The following B3GNT5 variants were observed in gnomAD, a reference collection of about 807,000 sequenced individuals.
The protein encoded by B3GNT5 is UDP-GlcNAc:betaGal beta-1,3-N-acetylglucosaminyltransferase 5.
In B3GNT5, 11 loss-of-function variants were observed where a neutral mutation model predicts 25.9. The observed-to-expected ratio is 0.42, with a 90% CI of 0.27 to 0.70. The LOEUF is 0.70. Among genes scored for constraint, B3GNT5 ranks in the 30% least tolerant of loss-of-function variants. B3GNT5 has a pLI of 0.23. For missense variants in B3GNT5, 385 were observed against 458.4 expected, an observed-to-expected ratio of 0.84 and a Z score of 1.46; for synonymous variants, 166 against 158.6, an observed-to-expected ratio of 1.05 and a Z score of -0.35.
Position 183,267,851 on chromosome 3 carries a change from C to A in B3GNT5, c.-301-1647C>A, listed in dbSNP as rs1378204982. Among the ~76,000 whole-genome samples, 1 of 152,126 alleles carries A rather than the reference C, an allele frequency of 6.6e-6. No homozygotes were observed. The highest frequency in any genetic ancestry group is 1.5e-5 in the Non-Finnish European group (1 of 68,020). ...CTAGGGTCCTGACCTCCAATCCTTC[C>A]CCAGTAACCATCACTTTGAGTAAAC... On this transcript the variant is annotated intron_variant, in intron 1 of 1. Transcript: ENST00000326505. This position sits in a 1 kb window ranked among gnomAD's most constrained non-coding sequence, Gnocchi z 5.5.
rs1576999266 is a variant in B3GNT5 at position 183,267,651 on chromosome 3, T to C, written c.-301-1847T>C. On this transcript the variant is annotated intron_variant, in intron 1 of 1. Transcript: ENST00000326505. The surrounding 1 kb of genome is among the most constrained non-coding windows in gnomAD (Gnocchi z 5.5). ...TCCTGTCCAAAGCCCAGGAAACTAA[T>C]GTACCACCCCCGAGGAAGAGAGCCT... Among the ~76,000 whole-genome samples the C allele has an allele frequency of 6.6e-6, 1 of 152,228 alleles. No homozygotes were observed. Among genetic ancestry groups the C allele is most frequent in the Non-Finnish European group, 1.5e-5 (1 of 68,038 alleles).
chr3:183,259,487 G>A (rs527908231), intron 1 of B3GNT5, among the ~76,000 whole-genome samples: 2 of 152,076 alleles, frequency 1.3e-5, no homozygotes, highest in East Asian at 1.9e-4. Flanking sequence ...TACTTCTTAC[G>A]TGTCATTTTA....
At position 183,270,386 on chromosome 3, in the gene B3GNT5, A is replaced by G. The variant is rs1282543492; in HGVS notation, c.588A>G (p.Ile196Met). ...TTCTTATGACTGCTGATGATGACAT[A>G]TTTATTCACATGCCAAATCTGATTG... ...AKFLMTADDD[I>M]FIHMPNLIEY... Residue 196 changes from isoleucine (I) to methionine (M), a missense_variant, in exon 2 of 2, where the codon ATA becomes ATG. By Grantham distance (10) the Ile-to-Met change is conservative. Coordinates refer to ENST00000326505, the MANE Select transcript of B3GNT5 (RefSeq NM_032047.5). This position sits in a 1 kb window ranked among gnomAD's most constrained non-coding sequence, Gnocchi z 4.5. The G allele has an allele frequency of 6.2e-7, 1 of 1,614,212 alleles. No homozygotes were observed. The highest frequency in any genetic ancestry group is 8.5e-7 in the Non-Finnish European group (1 of 1,180,034).
At chr3:183,254,335 C>T (rs1421845796) in intron 1 of B3GNT5, 1 of 151,868 alleles carries the variant, frequency 6.6e-6, no homozygotes, top group Non-Finnish European at 1.5e-5. Flanking sequence ...GCCGGGAAGT[C>T]GGGAAGCCGG....
rs1200931083 is a variant in B3GNT5, at chr3:183,270,616, A to G, written c.818A>G (p.Gln273Arg). Residue 273 changes from glutamine to arginine, a missense_variant, in exon 2 of 2, where the codon CAG becomes CGG. Transcript: ENST00000326505. The surrounding 1 kb of genome is among the most constrained non-coding windows in gnomAD (Gnocchi z 4.5). Reference sequence around the variant, plus strand: ...GCTGCCAAAGTCTATGAGGCATCACAGACACTAAATTCAAGTCTTTACATA... The same window carrying G: ...GCTGCCAAAGTCTATGAGGCATCACGGACACTAAATTCAAGTCTTTACATA... ...DVAAKVYEAS[Q>R]TLNSSLYIDD... 2 of 1,614,208 alleles carry G rather than the reference A, an allele frequency of 1.2e-6. No individual in the cohort carries two copies. The highest frequency in any genetic ancestry group is 4.5e-5 in the East Asian group (2 of 44,892).
chr3:183,265,699 T>C (rs1726042854), intron 1 of B3GNT5: 1 of 152,252 alleles, frequency 6.6e-6, no homozygotes, highest in Non-Finnish European at 1.5e-5. Flanking sequence ...GTTATACAAG[T>C]GAAGCTGTGT....
chr3:183,254,537 G>A (rs1395607539), intron 1 of B3GNT5: 5 of 152,126 alleles, frequency 3.3e-5, no homozygotes, highest in Non-Finnish European at 1.5e-5. Context: ...TCCGGTTGGG[G>A]CGGCTTCCCG....
In B3GNT5 at chr3:183,270,587, T is replaced by C. The variant is rs754881748; in HGVS notation, c.789T>C (p.Asp263=). ...GAGCTGCCTATGTAATCTCCGGTGA[T>C]GTAGCTGCCAAAGTCTATGAGGCAT... ...TAGAAYVISG[D]VAAKVYEASQ... The change falls in exon 2 of 2, where the codon GAT becomes GAC. Residue 263 remains aspartate, a synonymous_variant. Coordinates refer to ENST00000326505, the MANE Select transcript of B3GNT5 (RefSeq NM_032047.5). This position sits in a 1 kb window ranked among gnomAD's most constrained non-coding sequence, Gnocchi z 4.5. 1 of 1,614,212 alleles carries C rather than the reference T, an allele frequency of 6.2e-7. No individual in the cohort carries two copies.
In B3GNT5 at chr3:183,269,839, A is replaced by T. The variant is rs1726569279; in HGVS notation, c.41A>T (p.Gln14Leu). The T allele has an allele frequency of 3.1e-6, 5 of 1,612,550 alleles. No homozygotes were observed. The highest frequency in any genetic ancestry group is 4.2e-6 in the Non-Finnish European group (5 of 1,179,412). Residue 14 changes from glutamine (Q) to leucine (L), a missense_variant, in exon 2 of 2, where the codon CAG becomes CTG. Gln to Leu is a moderately radical substitution (Grantham distance 113). Coordinates refer to ENST00000326505, the MANE Select transcript of B3GNT5 (RefSeq NM_032047.5). Reference sequence around the variant, plus strand: ...AGTGGCAGAAGAGTCAAAAAATGGCAGTTAATTATTCAGTTATTTGCTACT... The same window carrying T: ...AGTGGCAGAAGAGTCAAAAAATGGCTGTTAATTATTCAGTTATTTGCTACT... Reference protein sequence around the residue: ...LVSGRRVKKWQLIIQLFATCF... With the variant: ...LVSGRRVKKWLLIIQLFATCF...
At chr3:183,259,672 C>CT (rs779361514) in intron 1 of B3GNT5, among the ~76,000 whole-genome samples, 1 of 152,102 alleles carries the variant, frequency 6.6e-6, no homozygotes, top group East Asian at 1.9e-4. Context: ...GAGTCCGGTA[C>CT]TTTTTTGCCT....
intron 1 of B3GNT5, among the ~76,000 whole-genome samples, chr3:183,258,808 C>T (rs1187810875): frequency 6.6e-6 from 1 of 152,056 alleles, no homozygotes; most frequent in Non-Finnish European, 1.5e-5. Context: ...GGCATGTAGC[C>T]TTGAGCTCCT....
At position 183,272,466 on chromosome 3, in the gene B3GNT5, A is replaced by G. The variant is rs16857225; in HGVS notation, c.*1531A>G. On this transcript the variant is annotated 3_prime_UTR_variant, in exon 2 of 2. Coordinates refer to ENST00000326505, the MANE Select transcript of B3GNT5 (RefSeq NM_032047.5). ...AAAGATTTCTCAGTATACACAACTGAATGATGATACTTACAATTTTTAGCA... is the reference window on the plus strand; with the variant it reads ...AAAGATTTCTCAGTATACACAACTGGATGATGATACTTACAATTTTTAGCA... 5.9e-3 allele frequency: 5,933 copies of G among 999,688 alleles called. 272 individuals carry two copies. The African/African-American group carries it at 0.09, about 15-fold the overall frequency. 61.9% of individuals were successfully genotyped at this position (999,688 alleles called of 1,614,324 possible). A position where few individuals can be genotyped will look rare whatever the true frequency, so the allele number is the denominator to read the frequency against.
At chr3:183,269,111 A>C (rs548936902) in intron 1 of B3GNT5, among the ~76,000 whole-genome samples, 82 of 151,470 alleles carry the variant, frequency 5.4e-4, no homozygotes, top group African/African-American at 1.9e-3. Context: ...TTCATTGAAG[A>C]TTTTGCCTTG....
rs568355269 is a variant in B3GNT5, at chr3:183,270,138, G to A, written c.340G>A (p.Glu114Lys). Residue 114 changes from glutamate (E) to lysine (K), a missense_variant, in exon 2 of 2, where the codon GAA becomes AAA. Physicochemically the swap from Glu to Lys is moderately conservative, Grantham distance 56 (BLOSUM62 1). Coordinates refer to ENST00000326505, the MANE Select transcript of B3GNT5 (RefSeq NM_032047.5). This position sits in a 1 kb window ranked among gnomAD's most constrained non-coding sequence, Gnocchi z 4.5. ...CGGAATTAGAAGGACGTGGGGCAAT[G>A]AAAATTATGTTCGGTCTCAGCTGAA... ...RSGIRRTWGN[E>K]NYVRSQLNAN... 6.2e-7 allele frequency: 1 copy of A among 1,614,122 alleles called. No individual in the cohort carries two copies. The highest frequency in any genetic ancestry group is 8.5e-7 in the Non-Finnish European group (1 of 1,180,008).
Position 183,267,811 on chromosome 3 carries a change from C to T in B3GNT5, c.-301-1687C>T, listed in dbSNP as rs1297715703. ...AAGCAGCCATGGCATGGACCTCATC[C>T]GAGGTGGCACCTGGCTAGGGTCCTG... is the stretch of plus-strand genomic sequence containing the variant. On this transcript the variant is annotated intron_variant, in intron 1 of 1. Coordinates refer to ENST00000326505, the MANE Select transcript of B3GNT5 (RefSeq NM_032047.5). This position sits in a 1 kb window ranked among gnomAD's most constrained non-coding sequence, Gnocchi z 5.5. Among the ~76,000 whole-genome samples the T allele has an allele frequency of 2.0e-5, 3 of 152,158 alleles. No homozygotes were observed. Among genetic ancestry groups the T allele is most frequent in the East Asian group, 1.9e-4 (1 of 5,182 alleles).
chr3:183,263,817 T>G (rs781549445), intron 1 of B3GNT5, among the ~76,000 whole-genome samples: 8 of 152,186 alleles, frequency 5.3e-5, no homozygotes, highest in African/African-American at 9.7e-5. Flanking sequence ...TGAAATTAGC[T>G]CTTACTTCTC....
intron 1 of B3GNT5, among the ~76,000 whole-genome samples, chr3:183,255,807 T>TA (rs543086878): frequency 0.085 from 11,470 of 134,278 alleles, 891 homozygotes; most frequent in African/African-American, 0.22. Context: ...GGTGAGATTG[T>TA]AAAAAAAAAA....
At chr3:183,262,289 G>A (rs1725681988) in intron 1 of B3GNT5, among the ~76,000 whole-genome samples, 1 of 151,844 alleles carries the variant, frequency 6.6e-6, no homozygotes. Flanking sequence ...TACTAAGAAT[G>A]CAGACATGTC....
At position 183,272,703 on chromosome 3, in the gene B3GNT5, A is replaced by T. The variant is rs530381643; in HGVS notation, c.*1768A>T. 9 of 1,015,936 alleles carry T rather than the reference A, an allele frequency of 8.9e-6. No individual in the cohort carries two copies. The South Asian group carries it at 4.1e-4, about 47-fold the overall frequency. The allele number at this position is 1,015,936 out of a possible 1,614,324, so 62.9% of individuals were successfully genotyped here. On this transcript the variant is annotated 3_prime_UTR_variant, in exon 2 of 2. Transcript: ENST00000326505. ...CAATTAAAAAAACATAGAGAACAAA[A>T]GCATATTTGACCAAGCAACAAGCTT...
Sources: gnomAD v4.1 joint callset for allele counts (sites outside exome capture counted in the v4.1 genomes callset) on GRCh38, gnomAD v4.1.1 for gene constraint, Gnocchi (gnomAD v3.1) non-coding constraint, MANE v1.5 for transcripts, NCBI Gene and HGNC (gene_info 2026-07-23, HGNC 2026-07-21) for gene names.